The following CSTPP1 variants were observed in gnomAD, a reference collection of about 807,000 sequenced individuals.
CSTPP1 encodes centriolar satellite-associated tubulin polyglutamylase complex regulator 1, also known as UPF0705 protein C11orf49.
chr11:47,131,482 A>G, the CSTPP1 span, among the ~76,000 whole-genome samples: 13 of 152,336 alleles, frequency 8.5e-5, no homozygotes, highest in East Asian at 9.6e-4. Flanking sequence ...ATTGGGAATC[A>G]ATAATTTCTG....
At chr11:46,976,542 G>A in the CSTPP1 span, among the ~76,000 whole-genome samples, 63 of 152,108 alleles carry the variant, frequency 4.1e-4, no homozygotes, top group Non-Finnish European at 8.4e-4. Context: ...ACCTCCCTAA[G>A]CTTCAATTTC....
the CSTPP1 span, among the ~76,000 whole-genome samples, chr11:47,163,437 C>T: frequency 6.6e-6 from 1 of 152,202 alleles, no homozygotes; most frequent in Non-Finnish European, 1.5e-5. Flanking sequence ...CTGGCTCCCT[C>T]TGCCCATCCT....
the CSTPP1 span, chr11:47,137,807 A>G: frequency 7.0e-7 from 1 of 1,438,210 alleles, no homozygotes. Context: ...AGTGTATACA[A>G]ATGAAAAAAA....
At chr11:47,029,234 T>C in the CSTPP1 span, among the ~76,000 whole-genome samples, 3 of 152,142 alleles carry the variant, frequency 2.0e-5, no homozygotes, top group East Asian at 5.8e-4. Flanking sequence ...CCCAAAAGTC[T>C]TCTCCTCCCA....
At chr11:47,006,746 A>G in the CSTPP1 span, among the ~76,000 whole-genome samples, 3,389 of 140,686 alleles carry the variant, frequency 0.024, 66 homozygotes, top group Middle Eastern at 0.039. Context: ...ACGCCACCAC[A>G]CTCAGCTAAT....
the CSTPP1 span, among the ~76,000 whole-genome samples, chr11:47,082,168 T>C: frequency 8.1e-4 from 94 of 116,364 alleles, no homozygotes; most frequent in African/African-American, 2.8e-3. Context: ...AAAAAAAAAA[T>C]ACAAAAAACA....
the CSTPP1 span, among the ~76,000 whole-genome samples, chr11:46,941,826 C>G: frequency 6.6e-6 from 1 of 152,158 alleles, no homozygotes; most frequent in Admixed American, 6.5e-5. Context: ...AACAAAACTG[C>G]AGACTGGAAA....
At chr11:47,081,088 C>CA in the CSTPP1 span, among the ~76,000 whole-genome samples, 28 of 146,588 alleles carry the variant, frequency 1.9e-4, no homozygotes, top group South Asian at 4.3e-4. Context: ...CTACTGGAAA[C>CA]AAAAAAAAGA....
the CSTPP1 span, among the ~76,000 whole-genome samples, chr11:47,091,792 T>C: frequency 2.0e-5 from 3 of 152,018 alleles, no homozygotes; most frequent in Admixed American, 6.6e-5. Context: ...AGCAGGGAAG[T>C]GACATGACAT....
At chr11:47,137,363 C>A in the CSTPP1 span, 1 of 1,460,442 alleles carries the variant, frequency 6.8e-7, no homozygotes, top group Non-Finnish European at 9.1e-7. Flanking sequence ...GATGAAGGTG[C>A]CTCTCTTGTT....
the CSTPP1 span, among the ~76,000 whole-genome samples, chr11:47,141,799 G>A: frequency 6.6e-6 from 1 of 151,450 alleles, no homozygotes; most frequent in Non-Finnish European, 1.5e-5. Flanking sequence ...TGGGCATGGT[G>A]GTGCACATCT....
the CSTPP1 span, among the ~76,000 whole-genome samples, chr11:46,951,020 C>G: frequency 6.6e-6 from 1 of 152,052 alleles, no homozygotes; most frequent in African/African-American, 2.4e-5. Context: ...TCGTTCAGTC[C>G]TCACAGCAGG....
the CSTPP1 span, among the ~76,000 whole-genome samples, chr11:47,009,202 G>T: frequency 2.6e-5 from 4 of 152,010 alleles, no homozygotes; most frequent in African/African-American, 9.7e-5. Flanking sequence ...ATTTGCCTTG[G>T]TGGCTCTCTG....
chr11:47,055,362 C>G, the CSTPP1 span, among the ~76,000 whole-genome samples: 9 of 144,898 alleles, frequency 6.2e-5, 1 homozygote, highest in South Asian at 1.6e-3. Context: ...CCTCCCTCCC[C>G]TCCCTTCCTT....
chr11:47,058,088 C>CT, the CSTPP1 span, among the ~76,000 whole-genome samples: 1,638 of 152,318 alleles, frequency 0.011, 26 homozygotes, highest in African/African-American at 0.037. Context: ...AATCCCAGGA[C>CT]TTTGGGAGGC....
chr11:47,081,618 G>A, the CSTPP1 span, among the ~76,000 whole-genome samples: 7 of 152,230 alleles, frequency 4.6e-5, no homozygotes, highest in African/African-American at 1.7e-4. Context: ...CATATTAATA[G>A]ACAGGCAATC....
chr11:46,963,678 C>T, the CSTPP1 span, among the ~76,000 whole-genome samples: 2 of 151,274 alleles, frequency 1.3e-5, no homozygotes, highest in African/African-American at 2.4e-5. Context: ...CCAGCTACTC[C>T]GGAGGCTGAG....
chr11:46,964,591 G>C, the CSTPP1 span, among the ~76,000 whole-genome samples: 1 of 152,142 alleles, frequency 6.6e-6, no homozygotes, highest in African/African-American at 2.4e-5. Flanking sequence ...GGCCCACAGT[G>C]CTTTCTCTTA....
chr11:46,937,160 A>ACCTACCAAG, the CSTPP1 span, among the ~76,000 whole-genome samples: 1 of 152,176 alleles, frequency 6.6e-6, no homozygotes, highest in Non-Finnish European at 1.5e-5. Context: ...TAGTGGAGTA[A>ACCTACCAAG]GAATAACCTT....
Sources: allele counts gnomAD v4.1 joint callset (sites outside exome capture counted in the v4.1 genomes callset), GRCh38; gene constraint gnomAD v4.1.1; transcripts MANE v1.5; gene names NCBI Gene and HGNC (gene_info 2026-07-23, HGNC 2026-07-21).